The following SMG7 variants were observed in gnomAD, a reference collection of about 807,000 sequenced individuals.
The protein encoded by SMG7 is SMG7 nonsense mediated mRNA decay factor, also known as nonsense-mediated mRNA decay factor SMG7.
In SMG7, 34 loss-of-function variants were observed where a neutral mutation model predicts 148.2. That is an observed-to-expected ratio of 0.23 (90% CI 0.17 to 0.31). The LOEUF (loss-of-function observed/expected upper bound fraction) is 0.31. Ranked by LOEUF, SMG7 falls within the 10% of genes least tolerant of loss-of-function variation. The probability of loss-of-function intolerance (pLI) is 1.00; values close to 1 mark genes in which losing one functional copy is unlikely to be tolerated. For synonymous variants in SMG7, 492 were observed against 515.1 expected (o/e 0.96, Z 0.61); for missense variants, 1,114 against 1,408.4 (o/e 0.79, Z 3.35).
At chr1:183,537,047 A>G (rs1012762039) in intron 10 of SMG7, 98 bp from the exon 11 acceptor site, 8 of 779,004 alleles carry the variant, frequency 1.0e-5, no homozygotes, top group African/African-American at 3.5e-5. Context: ...GGAAAAATAC[A>G]TAAAGTCCAG....
At chr1:183,537,279 C>T in intron 11 of SMG7, 64 bp downstream of exon 11, 1 of 1,209,614 alleles carries the variant, frequency 8.3e-7, no homozygotes, top group African/African-American at 1.5e-5. Flanking sequence ...GGCTTAATGC[C>T]AGAGAAAAAG....
intron 4 of SMG7, among the ~76,000 whole-genome samples, chr1:183,523,242 A>G (rs1314731423): frequency 6.6e-6 from 1 of 152,202 alleles, no homozygotes; most frequent in East Asian, 1.9e-4. Flanking sequence ...TGGAATAAAG[A>G]GCTGAGGAGA....
At chr1:183,541,406 C>G (rs925671406) in intron 13 of SMG7, among the ~76,000 whole-genome samples, 1 of 152,218 alleles carries the variant, frequency 6.6e-6, no homozygotes, top group African/African-American at 2.4e-5. Flanking sequence ...TCTAACTGAA[C>G]TGTACTTTCA....
In SMG7 at chr1:183,552,988, T is replaced by G. The variant is rs759706992; in HGVS notation, c.*1057T>G. On this transcript the variant is annotated 3_prime_UTR_variant, in exon 23 of 23. Transcript: ENST00000688051. ...CACATCTCCCCAAGAAGCAACAGCA[T>G]GGGGTCCAGCAGTTGGGGCCCAAAA... 5 of 1,536,322 alleles carry G rather than the reference T, an allele frequency of 3.3e-6. No individual in the cohort carries two copies. The highest frequency in any genetic ancestry group is 4.4e-6 in the Non-Finnish European group (5 of 1,146,920).
rs771381828 is a variant in SMG7 at position 183,542,501 on chromosome 1, A to G, written c.1841A>G (p.Gln614Arg). ...ACAGGAAAGCAGAATGTGGCAGTGC[A>G]GGTAAGCTGTATTTGAACTATAAAG... Reference protein sequence around the residue: ...QETGKQNVAVQVKSQTELRKT... With the variant: ...QETGKQNVAVRVKSQTELRKT... The change falls in exon 14 of 23, where the codon CAG (glutamine) becomes CGG (arginine). Residue 614 changes from glutamine to arginine, a missense_variant and splice_region_variant. Around this residue, in one of 4 missense-constraint regions of SMG7, gnomAD observed 788 missense variants for 894.5 expected, o/e 0.88. Coordinates refer to ENST00000688051, the MANE Select transcript of SMG7 (RefSeq NM_001375584.1). 6.2e-7 allele frequency: 1 copy of G among 1,610,210 alleles called. No homozygotes were observed. The highest frequency in any genetic ancestry group is 2.2e-5 in the East Asian group (1 of 44,814).
intron 1 of SMG7, among the ~76,000 whole-genome samples, chr1:183,477,450 A>AAATGTGTG (rs1652575396): frequency 6.6e-6 from 1 of 151,780 alleles, no homozygotes; most frequent in Admixed American, 6.6e-5. Flanking sequence ...ATACATATAT[A>AAATGTGTG]CATGTGTGCA....
At chr1:183,499,852 C>G (rs922348176) in intron 1 of SMG7, among the ~76,000 whole-genome samples, 2 of 151,942 alleles carry the variant, frequency 1.3e-5, no homozygotes, top group African/African-American at 4.8e-5. Context: ...ATTTTGGTAT[C>G]CTTCTTGTTT....
intron 1 of SMG7, among the ~76,000 whole-genome samples, chr1:183,506,438 A>C (rs757014970): frequency 2.0e-5 from 3 of 152,178 alleles, no homozygotes; most frequent in Non-Finnish European, 4.4e-5. Context: ...TTCTCTGATT[A>C]ATATTGCGAG....
intron 1 of SMG7, among the ~76,000 whole-genome samples, chr1:183,497,615 G>A (rs1165950767): frequency 6.6e-6 from 1 of 151,948 alleles, no homozygotes; most frequent in Non-Finnish European, 1.5e-5. Flanking sequence ...TGTGGCCCAG[G>A]CTGGAGTGCA....
chr1:183,539,636 C>T (rs1363988553), intron 12 of SMG7, among the ~76,000 whole-genome samples: 1 of 152,200 alleles, frequency 6.6e-6, no homozygotes, highest in African/African-American at 2.4e-5. Context: ...CCGATTTGGT[C>T]AGCCAAAAAG....
chr1:183,486,082 G>T (rs1655347844), intron 1 of SMG7, among the ~76,000 whole-genome samples: 1 of 152,092 alleles, frequency 6.6e-6, no homozygotes, highest in Admixed American at 6.5e-5. Flanking sequence ...GATCATCTTA[G>T]AATTTTCTCA....
At chr1:183,528,753 G>A (rs1184685382) in intron 6 of SMG7, 139 bp from the exon 7 acceptor site, 1 of 708,216 alleles carries the variant, frequency 1.4e-6, no homozygotes, top group Non-Finnish European at 2.4e-6. Flanking sequence ...ACCTTACGCT[G>A]GTTTGCAATG....
intron 1 of SMG7, chr1:183,473,792 G>A (rs1404360464): frequency 1.0e-6 from 1 of 985,176 alleles, no homozygotes; most frequent in African/African-American, 1.7e-5. Context: ...TTGCGGAGGA[G>A]GGAGTTGGAT....
rs1057326810 is a variant in SMG7, at chr1:183,526,651, C to A, written c.368C>A (p.Ser123Tyr). 6.2e-6 allele frequency: 10 copies of A among 1,613,296 alleles called. No homozygotes were observed. Among genetic ancestry groups the A allele is most frequent in the Admixed American group, 3.3e-5 (2 of 59,962 alleles). Reference sequence around the variant, plus strand: ...GTAGATTTACCATGCCGTGTGAAGTCTTCCCAATTGGGAATTATCAGCAAT... The same window carrying A: ...GTAGATTTACCATGCCGTGTGAAGTATTCCCAATTGGGAATTATCAGCAAT... ...FNVDLPCRVK[S>Y]SQLGIISNKQ... is the part of the protein sequence containing the mutation. Residue 123 changes from serine (S) to tyrosine (Y), a missense_variant, in exon 5 of 23, where the codon TCT (serine) becomes TAT (tyrosine). Transcript: ENST00000688051.
intron 1 of SMG7, among the ~76,000 whole-genome samples, chr1:183,482,830 A>C (rs918666992): frequency 6.6e-6 from 1 of 152,198 alleles, no homozygotes; most frequent in Non-Finnish European, 1.5e-5. Flanking sequence ...GGACTAATGT[A>C]CATGTAATTC....
Position 183,552,738 on chromosome 1 carries a change from TC to T in SMG7, c.*809del. On this transcript the variant is annotated 3_prime_UTR_variant, in exon 23 of 23. Transcript: ENST00000688051. ...TAGGATTTCAAATTACGTTTTTGAT[TC>T]CTGTACATTTTACAGTCGCACAGCA... 7.4e-7 allele frequency: 1 copy of T among 1,351,730 alleles called. No homozygotes were observed. The highest frequency in any genetic ancestry group is 1.8e-5 in the South Asian group (1 of 55,726). 83.7% of individuals were successfully genotyped at this position (1,351,730 alleles called of 1,614,324 possible).
At chr1:183,478,898 A>G (rs776563619) in intron 1 of SMG7, among the ~76,000 whole-genome samples, 3 of 152,154 alleles carry the variant, frequency 2.0e-5, no homozygotes, top group Non-Finnish European at 4.4e-5. Context: ...GATGGCCATT[A>G]TATATTGCCA....
chr1:183,486,162 G>A (rs759172885), intron 1 of SMG7, among the ~76,000 whole-genome samples: 5 of 152,108 alleles, frequency 3.3e-5, no homozygotes, highest in Non-Finnish European at 5.9e-5. Context: ...TAAGAGGAGG[G>A]CTTTCTCTTA....
intron 22 of SMG7, 137 bp from the exon 23 acceptor site, chr1:183,551,674 TTTTTCTA>T: frequency 3.6e-6 from 2 of 548,790 alleles, no homozygotes; most frequent in Admixed American, 3.4e-5. Context: ...TTATAATGAC[TTTTTCTA>T]ATAGCTGGAT....
Sources: allele counts gnomAD v4.1 joint callset (sites outside exome capture counted in the v4.1 genomes callset), GRCh38; gene constraint gnomAD v4.1.1; regional missense constraint gnomAD v4.1.1; transcripts MANE v1.5; gene names NCBI Gene and HGNC (gene_info 2026-07-23, HGNC 2026-07-21).